MPDU1: variants seen among roughly 807,000 people sequenced by gnomAD.
MPDU1 encodes the protein mannose-P-dolichol utilization defect 1, also known as mannose-P-dolichol utilization defect 1 protein.
A neutral mutation model predicts 27.6 loss-of-function variants in MPDU1; 18 were observed. The observed-to-expected ratio is 0.65, with a 90% CI of 0.45 to 0.97. The LOEUF is 0.97. Ranked by LOEUF, MPDU1 falls within the 50% of genes least tolerant of loss-of-function variation. The probability of loss-of-function intolerance (pLI) is 0.00; values close to 1 mark genes in which losing one functional copy is unlikely to be tolerated. For missense variants in MPDU1, 279 were observed against 297.4 expected (o/e 0.94, Z 0.46); for synonymous variants, 142 against 131.1 (o/e 1.08, Z -0.57).
intron 2 of MPDU1, 64 bp from the exon 3 acceptor site, chr17:7,585,882 G>C: frequency 6.2e-7 from 1 of 1,612,914 alleles, no homozygotes; most frequent in South Asian, 1.1e-5. Context: ...TCGTTCTATA[G>C]CTGTTGTGTT....
At chr17:7,585,536 CCAA>C (rs1278412886) in intron 1 of MPDU1, among the ~76,000 whole-genome samples, 193 bp from the exon 2 acceptor site, 127 of 148,204 alleles carry the variant, frequency 8.6e-4, no homozygotes, top group African/African-American at 1.2e-3. Context: ...GACTCTGTCT[CCAA>C]AAAAAAAAAA....
intron 1 of MPDU1, 181 bp downstream of exon 1, chr17:7,584,146 C>T (rs1440577120): frequency 7.4e-6 from 5 of 673,708 alleles, no homozygotes; most frequent in African/African-American, 5.3e-5. Flanking sequence ...ATATTAGTGC[C>T]AGTGGGGAAG....
At chr17:7,587,067 G>GGGGGGGGGGGGGGGC in intron 5 of MPDU1, 50 bp downstream of exon 5, 2 of 1,041,352 alleles carry the variant, frequency 1.9e-6, no homozygotes, top group Non-Finnish European at 2.9e-6. Context: ...GGGTGGGGGG[G>GGGGGGGGGGGGGGGC]AAGAGTAGAA....
At position 7,583,896 on chromosome 17, in the gene MPDU1, C is replaced by T; in HGVS notation, c.34C>T (p.Leu12=). 1 of 1,614,230 alleles carries T rather than the reference C, an allele frequency of 6.2e-7. No individual in the cohort carries two copies. The highest frequency in any genetic ancestry group is 8.5e-7 in the Non-Finnish European group (1 of 1,180,058). Residue 12 remains leucine (L), a synonymous_variant, in exon 1 of 7, where the codon CTG becomes TTG. Transcript: ENST00000250124. ...AAEADGPLKR[L]LVPILLPEKC... The stretch of plus-strand genomic sequence containing the variant: ...CGAGGCGGACGGACCGCTTAAACGG[C>T]TGCTCGTGCCGATTCTTTTACCTGA...
At chr17:7,585,836 G>T in intron 2 of MPDU1, 39 bp downstream of exon 2, 6 of 1,613,162 alleles carry the variant, frequency 3.7e-6, no homozygotes, top group South Asian at 2.2e-5. Context: ...TTGGGTTGGG[G>T]TGGAGGTGCT....
chr17:7,588,069 G>A lies in MPDU1; in HGVS notation c.*518G>A. ...ATGACTCAGGCAGGGCCCCAGGGTGGGGTGAGGAGGTTCCTGCTCTGGCAG... is the reference window on the plus strand; with the variant it reads ...ATGACTCAGGCAGGGCCCCAGGGTGAGGTGAGGAGGTTCCTGCTCTGGCAG... On this transcript the variant is annotated 3_prime_UTR_variant, in exon 7 of 7. Coordinates refer to ENST00000250124, the MANE Select transcript of MPDU1 (RefSeq NM_004870.4). 1.8e-6 allele frequency: 1 copy of A among 548,762 alleles called. No individual in the cohort carries two copies. The highest frequency in any genetic ancestry group is 1.5e-5 in the South Asian group (1 of 65,306). The allele number at this position is 548,762 out of a possible 1,614,324, so 34.0% of individuals were successfully genotyped here.
chr17:7,585,959 G>T lies in MPDU1; in HGVS notation c.183G>T (p.Gln61His). Reference protein sequence around the residue: ...VAGSLLVKLPQVFKILGAKSA... With the variant: ...VAGSLLVKLPHVFKILGAKSA... Reference sequence around the variant, plus strand: ...TCTTTCCCCTAGTAAAGCTGCCCCAGGTGTTTAAAATCCTGGGAGCCAAGA... The same window carrying T: ...TCTTTCCCCTAGTAAAGCTGCCCCATGTGTTTAAAATCCTGGGAGCCAAGA... The change falls in exon 3 of 7, where the codon CAG becomes CAT. Residue 61 changes from glutamine to histidine, a missense_variant. Transcript: ENST00000250124. 1 of 1,614,160 alleles carries T rather than the reference G, an allele frequency of 6.2e-7. No homozygotes were observed.
At position 7,587,591 on chromosome 17, in the gene MPDU1, C is replaced by G. The variant is rs769173532; in HGVS notation, c.*40C>G. ...GTCATTCCGTTTCCACTCATTCACC[C>G]AACCTCAGGGTTCTCCCCATCTGAG... On this transcript the variant is annotated 3_prime_UTR_variant, in exon 7 of 7. Coordinates refer to ENST00000250124, the MANE Select transcript of MPDU1 (RefSeq NM_004870.4). 6.2e-7 allele frequency: 1 copy of G among 1,612,978 alleles called. No homozygotes were observed. Among genetic ancestry groups the G allele is most frequent in the South Asian group, 1.1e-5 (1 of 90,860 alleles).
chr17:7,586,931 C>G lies in MPDU1; in HGVS notation c.421C>G (p.Leu141Val). ...VAFLACYGLV[L>V]LVLLSPLTPL... ...TTTCCTCGCTTGCTACGGCCTGGTCCTGCTGGTGCTTCTCTCACCTCTGAC... is the reference window on the plus strand; with the variant it reads ...TTTCCTCGCTTGCTACGGCCTGGTCGTGCTGGTGCTTCTCTCACCTCTGAC... The change falls in exon 5 of 7, where the codon CTG (leucine) becomes GTG (valine). Residue 141 changes from leucine to valine, a missense_variant. Physicochemically the swap from Leu to Val is conservative, Grantham distance 32. Coordinates refer to ENST00000250124, the MANE Select transcript of MPDU1 (RefSeq NM_004870.4). The G allele has an allele frequency of 6.2e-7, 1 of 1,614,024 alleles. No individual in the cohort carries two copies. The highest frequency in any genetic ancestry group is 1.1e-5 in the South Asian group (1 of 91,078).
rs768157848 is a variant in MPDU1 at position 7,583,902 on chromosome 17, G to A, written c.40G>A (p.Val14Met). 1.2e-6 allele frequency: 2 copies of A among 1,614,082 alleles called. No homozygotes were observed. The highest frequency in any genetic ancestry group is 3.3e-5 in the Admixed American group (2 of 60,012). The stretch of plus-strand genomic sequence containing the variant: ...GGACGGACCGCTTAAACGGCTGCTC[G>A]TGCCGATTCTTTTACCTGAGAAATG... ...EADGPLKRLL[V>M]PILLPEKCYD... The change falls in exon 1 of 7, where the codon GTG becomes ATG. Residue 14 changes from valine to methionine, a missense_variant. Coordinates refer to ENST00000250124, the MANE Select transcript of MPDU1 (RefSeq NM_004870.4).
chr17:7,584,192 C>T lies in MPDU1; in HGVS notation c.103+227C>T, dbSNP rs1217855020. 2.0e-5 allele frequency: 12 copies of T among 607,276 alleles called. No individual in the cohort carries two copies. The African/African-American group carries it at 2.2e-4, about 11-fold the overall frequency. The allele number at this position is 607,276 out of a possible 1,614,324, so 37.6% of individuals were successfully genotyped here. A position where few individuals can be genotyped will look rare whatever the true frequency, so the allele number is the denominator to read the frequency against. The stretch of plus-strand genomic sequence containing the variant: ...GAATTACTTCTTTGTGGAGTTTGTG[C>T]TGTAGCGACAATGAAAAACGAAGAG... On this transcript the variant is annotated intron_variant, in intron 1 of 6. Transcript: ENST00000250124.
rs766025582 is a variant in MPDU1 at position 7,585,783 on chromosome 17, C to T, written c.155C>T (p.Ala52Val). The stretch of plus-strand genomic sequence containing the variant: ...AAAGGCCTGGGGCTGGGCATTGTGG[C>T]TGGCTCACTTCTAGGTATGTCTCTT... ...LSKGLGLGIVAGSLLVKLPQV... is the reference protein window; with the variant it reads ...LSKGLGLGIVVGSLLVKLPQV... Residue 52 changes from alanine to valine, a missense_variant, in exon 2 of 7, where the codon GCT becomes GTT. Ala to Val is a moderately conservative substitution (Grantham distance 64). Transcript: ENST00000250124. 2.5e-5 allele frequency: 41 copies of T among 1,614,052 alleles called. No individual in the cohort carries two copies. Among genetic ancestry groups the T allele is most frequent in the Non-Finnish European group, 3.3e-5 (39 of 1,180,020 alleles).
At chr17:7,583,780 C>A, upstream of MPDU1, 1 of 1,423,070 alleles carries the variant, frequency 7.0e-7, no homozygotes, top group South Asian at 1.1e-5. Context: ...GGGAAAAGAA[C>A]GGGAGGCGGA....
chr17:7,585,876 T>A, intron 2 of MPDU1, 70 bp from the exon 3 acceptor site: 4 of 1,612,718 alleles, frequency 2.5e-6, no homozygotes, highest in Non-Finnish European at 2.5e-6. Flanking sequence ...GGGTGTTCGT[T>A]CTATAGCTGT....
At chr17:7,586,526 G>A (rs1001834520) in intron 3 of MPDU1, 166 bp from the exon 4 acceptor site, 7 of 709,548 alleles carry the variant, frequency 9.9e-6, no homozygotes, top group Admixed American at 6.0e-5. Context: ...ATCTTGAGAA[G>A]GGGTGAGCAT....
Position 7,587,694 on chromosome 17 carries a change from G to A in MPDU1, c.*143G>A. 8.5e-7 allele frequency: 1 copy of A among 1,180,380 alleles called. No individual in the cohort carries two copies. The highest frequency in any genetic ancestry group is 1.2e-6 in the Non-Finnish European group (1 of 813,260). The allele number at this position is 1,180,380 out of a possible 1,614,324, so 73.1% of individuals were successfully genotyped here. A position where few individuals can be genotyped will look rare whatever the true frequency, so the allele number is the denominator to read the frequency against. ...TTCTGAGCCAGGGTTTTCTTTTAGT[G>A]GAAACAAATGGTTGATGGATCCAGA... On this transcript the variant is annotated 3_prime_UTR_variant, in exon 7 of 7. Transcript: ENST00000250124.
chr17:7,586,439 T>TAA (rs59882896), intron 3 of MPDU1: 189 of 488,102 alleles, frequency 3.9e-4, no homozygotes, highest in East Asian at 6.9e-4. Context: ...AACTCAGTCT[T>TAA]AAAAAAAAAA....
chr17:7,584,653 G>C (rs892678716), intron 1 of MPDU1, among the ~76,000 whole-genome samples: 2 of 152,216 alleles, frequency 1.3e-5, no homozygotes, highest in African/African-American at 4.8e-5. Flanking sequence ...AAAGGGTAAG[G>C]TTTAGTCCCT....
At position 7,587,016 on chromosome 17, in the gene MPDU1, G is replaced by A; in HGVS notation, c.506G>A (p.Arg169Lys). The change falls in exon 5 of 7, where the codon AGG (arginine) becomes AAG (lysine). Residue 169 changes from arginine (R) to lysine (K), a missense_variant and splice_region_variant. By Grantham distance (26) the Arg-to-Lys change is conservative (BLOSUM62 2). Coordinates refer to ENST00000250124, the MANE Select transcript of MPDU1 (RefSeq NM_004870.4). The stretch of plus-strand genomic sequence containing the variant: ...AATGTGCCTGCTGTGGTGGTGGGGA[G>A]GGTGGGTACCAGGAGCAAGGGACAA... The part of the protein sequence containing the change: ...ASNVPAVVVG[R>K]LLQAATNYHN... 6.2e-7 allele frequency: 1 copy of A among 1,612,086 alleles called. No homozygotes were observed. Among genetic ancestry groups the A allele is most frequent in the Non-Finnish European group, 8.5e-7 (1 of 1,178,978 alleles).
Sources: gnomAD v4.1 joint callset for allele counts (sites outside exome capture counted in the v4.1 genomes callset) on GRCh38, gnomAD v4.1.1 for gene constraint, MANE v1.5 for transcripts, NCBI Gene and HGNC (gene_info 2026-07-23, HGNC 2026-07-21) for gene names.